Variants in DIP2C observed in about 807,000 individuals in gnomAD.
The protein encoded by DIP2C is DIP2 acetate--CoA ligase C (putative).
In DIP2C, 33 loss-of-function variants were observed where a neutral mutation model predicts 192.4. The ratio of observed to expected loss-of-function variants is 0.17; its 90% CI spans 0.13 to 0.23. DIP2C has a LOEUF of 0.23. Ranked by LOEUF, DIP2C falls within the 10% of genes least tolerant of loss-of-function variation. DIP2C has a pLI of 1.00. For synonymous variants in DIP2C, 979 were observed against 864.1 expected (o/e 1.13, Z -2.33); for missense variants, 1,537 against 2,110.1 (o/e 0.73, Z 5.32).
chr10:311,494 T>C, intron 31 of DIP2C: 1 of 1,232,018 alleles, frequency 8.1e-7, no homozygotes, highest in African/African-American at 1.5e-5. Context: ...GCAGCGGGGC[T>C]GGGCAGGGAG....
At chr10:478,717 C>G (rs1032297414) in intron 2 of DIP2C, among the ~76,000 whole-genome samples, 12 of 151,852 alleles carry the variant, frequency 7.9e-5, no homozygotes, top group Non-Finnish European at 1.5e-5. Context: ...CGTGTCCGGG[C>G]GTGCTGGGGG....
At chr10:567,188 GTTTT>G (rs1849510576) in intron 1 of DIP2C, among the ~76,000 whole-genome samples, 1 of 129,310 alleles carries the variant, frequency 7.7e-6, no homozygotes, top group Non-Finnish European at 1.5e-5. Flanking sequence ...GGGGTTTTTT[GTTTT>G]GTTTTGTTTT....
intron 13 of DIP2C, among the ~76,000 whole-genome samples, chr10:388,313 T>TG (rs1963152798): frequency 6.6e-6 from 1 of 152,070 alleles, no homozygotes; most frequent in South Asian, 2.1e-4. Context: ...TCAATGACTA[T>TG]GGGGGAGGGC....
intron 1 of DIP2C, among the ~76,000 whole-genome samples, chr10:653,688 T>C (rs951903634): frequency 6.6e-6 from 1 of 152,206 alleles, no homozygotes. Context: ...ATACATTTCT[T>C]TGGGTGAGAA....
At chr10:362,133 G>C (rs571399084) in intron 22 of DIP2C, among the ~76,000 whole-genome samples, 1 of 152,162 alleles carries the variant, frequency 6.6e-6, no homozygotes, top group South Asian at 2.1e-4. Flanking sequence ...ATTAGAAGTA[G>C]GTCAGAAATG....
At chr10:495,414 C>A (rs1844756945) in intron 1 of DIP2C, among the ~76,000 whole-genome samples, 1 of 152,132 alleles carries the variant, frequency 6.6e-6, no homozygotes, top group African/African-American at 2.4e-5. Flanking sequence ...ACCACACATA[C>A]AAATTAACTA....
chr10:530,741 C>T (rs906857081), intron 1 of DIP2C, among the ~76,000 whole-genome samples: 3 of 152,034 alleles, frequency 2.0e-5, no homozygotes, highest in African/African-American at 7.2e-5. Flanking sequence ...ACATGGCACC[C>T]CCTGCTGTCA....
chr10:504,701 A>G (rs1400108422), intron 1 of DIP2C, among the ~76,000 whole-genome samples: 2 of 152,322 alleles, frequency 1.3e-5, no homozygotes, highest in African/African-American at 4.8e-5. Context: ...TAACACTAAA[A>G]ATTTAGTACA....
At chr10:343,670 T>C (rs1047207827) in intron 28 of DIP2C, among the ~76,000 whole-genome samples, 1 of 152,214 alleles carries the variant, frequency 6.6e-6, no homozygotes, top group Non-Finnish European at 1.5e-5. Flanking sequence ...CTCCCTGGAT[T>C]AGGAGTTAGT....
At chr10:605,660 G>A (rs1225266810) in intron 1 of DIP2C, among the ~76,000 whole-genome samples, 1 of 152,150 alleles carries the variant, frequency 6.6e-6, no homozygotes, top group Non-Finnish European at 1.5e-5. Context: ...ACATTTCATT[G>A]CCACCTCTGT....
chr10:300,789 G>C (rs1316324178), intron 32 of DIP2C, among the ~76,000 whole-genome samples: 2 of 150,456 alleles, frequency 1.3e-5, no homozygotes, highest in African/African-American at 4.9e-5. Flanking sequence ...TGAGCGTGTG[G>C]AGAAGCCGGA....
chr10:537,774 A>G (rs1250654524), intron 1 of DIP2C, among the ~76,000 whole-genome samples: 2 of 151,442 alleles, frequency 1.3e-5, no homozygotes. Context: ...AATATCGAGC[A>G]GTTATCTTTC....
intron 32 of DIP2C, among the ~76,000 whole-genome samples, 176 bp from the exon 33 acceptor site, chr10:288,597 C>T (rs1295502512): frequency 1.3e-5 from 2 of 152,138 alleles, no homozygotes; most frequent in Non-Finnish European, 2.9e-5. Flanking sequence ...AAACTGAACC[C>T]GAAGCGAGGG....
At chr10:598,569 GCTC>G (rs2131681575) in intron 1 of DIP2C, among the ~76,000 whole-genome samples, 1 of 151,912 alleles carries the variant, frequency 6.6e-6, no homozygotes, top group African/African-American at 2.4e-5. Context: ...TCTTCCCTCT[GCTC>G]CTCACGCCAC....
At chr10:405,920 T>C (rs1362708496) in intron 9 of DIP2C, among the ~76,000 whole-genome samples, 3 of 152,210 alleles carry the variant, frequency 2.0e-5, no homozygotes. Context: ...GGCTCATCTT[T>C]TCTCCTCGAG....
chr10:359,750 ATC>A (rs56108755), intron 22 of DIP2C, among the ~76,000 whole-genome samples: 43 of 152,240 alleles, frequency 2.8e-4, no homozygotes, highest in Admixed American at 1.1e-3. Context: ...CGCATCCTCT[ATC>A]TCTACCAGAT....
chr10:549,654 C>G (rs1251342), intron 1 of DIP2C, among the ~76,000 whole-genome samples: 150,883 of 152,122 alleles, frequency 0.99, 74,834 homozygotes, highest in East Asian at 1. Flanking sequence ...GGCTTCAGAG[C>G]GGAGGGCCCC....
At chr10:494,096 C>T (rs1455802052) in intron 1 of DIP2C, among the ~76,000 whole-genome samples, 2 of 152,206 alleles carry the variant, frequency 1.3e-5, no homozygotes, top group Non-Finnish European at 2.9e-5. Context: ...TGGTCTATCC[C>T]GAGTGCTGGG....
chr10:684,252 C>T (rs1450408001), intron 1 of DIP2C, among the ~76,000 whole-genome samples: 5 of 152,238 alleles, frequency 3.3e-5, no homozygotes, highest in African/African-American at 7.2e-5. Context: ...GCATCTTGCA[C>T]GCAACCAGTA....
Sources: gnomAD v4.1 joint callset for allele counts (sites outside exome capture counted in the v4.1 genomes callset) on GRCh38, gnomAD v4.1.1 for gene constraint, MANE v1.5 for transcripts, NCBI Gene and HGNC (gene_info 2026-07-23, HGNC 2026-07-21) for gene names.